Variants in GPT2 observed in about 807,000 individuals in gnomAD.
GPT2 encodes glutamic--pyruvic transaminase 2, also known as alanine aminotransferase 2.
GPT2 carries 30 observed loss-of-function variants against 56.9 expected under a neutral mutation model. The observed-to-expected ratio is 0.53, with a 90% confidence interval of 0.39 to 0.72. The LOEUF (loss-of-function observed/expected upper bound fraction) is 0.72. GPT2 is among the 30% of genes least tolerant of loss of function. The pLI, the probability that GPT2 is intolerant of heterozygous loss-of-function variation, is 0.00. For missense variants in GPT2, 542 were observed against 703.4 expected, an observed-to-expected ratio of 0.77 and a Z score of 2.60; for synonymous variants, 271 against 283.1, an observed-to-expected ratio of 0.96 and a Z score of 0.43.
chr16:46,925,395 G>A (rs750860847), intron 10 of GPT2, among the ~76,000 whole-genome samples: 3 of 152,052 alleles, frequency 2.0e-5, no homozygotes, highest in Admixed American at 1.3e-4. Context: ...ATAATTTTTT[G>A]TATTTTTAGT....
intron 4 of GPT2, among the ~76,000 whole-genome samples, chr16:46,904,583 A>T (rs1009533378): frequency 6.6e-6 from 1 of 152,162 alleles, no homozygotes; most frequent in African/African-American, 2.4e-5. Flanking sequence ...GAAACCCAGG[A>T]GCCTCCTTGG....
At chr16:46,902,903 C>T (rs1230235981) in intron 4 of GPT2, among the ~76,000 whole-genome samples, 2 of 152,030 alleles carry the variant, frequency 1.3e-5, no homozygotes, top group African/African-American at 2.4e-5. Context: ...GGATTATAGG[C>T]GTGAGCCACC....
Position 46,922,366 on chromosome 16 carries a change from G to A in GPT2, c.1162G>A (p.Val388Ile). The A allele has an allele frequency of 1.2e-6, 2 of 1,613,884 alleles. No individual in the cohort carries two copies. The highest frequency in any genetic ancestry group is 1.7e-6 in the Non-Finnish European group (2 of 1,179,974). ...GTCTGGGCAGGCCGCCATGGACATT[G>A]TCGTGAACCCCCCGGTGGCAGGAGA... The part of the protein sequence containing the change: ...PVSGQAAMDI[V>I]VNPPVAGEES... Residue 388 changes from valine (V) to isoleucine (I), a missense_variant, in exon 9 of 12, where the codon GTC becomes ATC. Val to Ile is a conservative substitution (Grantham distance 29). Transcript: ENST00000340124.
At chr16:46,911,713 C>T (rs1203418038) in intron 6 of GPT2, among the ~76,000 whole-genome samples, 2 of 152,026 alleles carry the variant, frequency 1.3e-5, no homozygotes, top group Non-Finnish European at 2.9e-5. Flanking sequence ...GTAATTGGGC[C>T]GGGGTATGGT....
chr16:46,910,380 C>CAAAAA (rs4039999), intron 6 of GPT2, among the ~76,000 whole-genome samples: 5 of 46,472 alleles, frequency 1.1e-4, no homozygotes, highest in South Asian at 1.7e-3. Flanking sequence ...GACTCTGTCT[C>CAAAAA]AAAAAAAAAA....
At chr16:46,919,573 C>T (rs1961242193) in intron 8 of GPT2, among the ~76,000 whole-genome samples, 1 of 152,206 alleles carries the variant, frequency 6.6e-6, no homozygotes, top group East Asian at 1.9e-4. Context: ...GCGGAACAGC[C>T]AGGAGCTGGA....
At chr16:46,924,061 G>A in intron 9 of GPT2, 1 of 387,118 alleles carries the variant, frequency 2.6e-6, no homozygotes, top group South Asian at 2.1e-5. Flanking sequence ...TGAGCGCTGT[G>A]GAAGAATTTG....
chr16:46,928,106 C>T (rs1961453927), intron 11 of GPT2, among the ~76,000 whole-genome samples: 1 of 152,094 alleles, frequency 6.6e-6, no homozygotes, highest in Non-Finnish European at 1.5e-5. Flanking sequence ...TTCAGGATGG[C>T]TTGAGTCCAG....
rs1387023702 is a variant in GPT2 at position 46,898,502 on chromosome 16, T to G, written c.333+765T>G. 3.3e-5 allele frequency among the ~76,000 whole-genome samples: 5 copies of G among 152,298 alleles called. No individual in the cohort carries two copies. The East Asian group carries it at 9.6e-4, about 29-fold the overall frequency. ...GCGGGAGACCCAGTGTGTGACAGCT[T>G]TTTCTAGAAGGACTGAGGCCTGTTT... On this transcript the variant is annotated intron_variant, in intron 3 of 11. Coordinates refer to ENST00000340124, the MANE Select transcript of GPT2 (RefSeq NM_133443.4).
At chr16:46,928,806 C>T in intron 11 of GPT2, 101 bp from the exon 12 acceptor site, 1 of 847,602 alleles carries the variant, frequency 1.2e-6, no homozygotes, top group Non-Finnish European at 2.0e-6. Context: ...GCAGACCAGG[C>T]AGACCTCCCT....
intron 2 of GPT2, among the ~76,000 whole-genome samples, chr16:46,889,246 ATTTTT>A (rs35803215): frequency 3.1e-4 from 29 of 94,946 alleles, no homozygotes; most frequent in South Asian, 7.8e-4. Context: ...CAGGCTGTTA[ATTTTT>A]TTTTTTTTTT....
chr16:46,887,961 T>G (rs539250170), intron 2 of GPT2, among the ~76,000 whole-genome samples: 86 of 152,322 alleles, frequency 5.6e-4, no homozygotes, highest in Non-Finnish European at 1.1e-3. Context: ...GGAGAACCTA[T>G]CTTAGCTTTT....
At chr16:46,920,456 G>A (rs1172374141) in intron 8 of GPT2, among the ~76,000 whole-genome samples, 1 of 152,262 alleles carries the variant, frequency 6.6e-6, no homozygotes, top group East Asian at 1.9e-4. Context: ...TGAGGCCTGG[G>A]CCTGGGCCCC....
chr16:46,892,598 T>C (rs1960606284), intron 2 of GPT2, among the ~76,000 whole-genome samples: 1 of 152,220 alleles, frequency 6.6e-6, no homozygotes, highest in South Asian at 2.1e-4. Context: ...CACTGATCTT[T>C]GAACTTTTTA....
At chr16:46,900,828 G>T (rs745867964) in intron 4 of GPT2, 38 bp downstream of exon 4, 50 of 1,561,608 alleles carry the variant, frequency 3.2e-5, no homozygotes, top group East Asian at 2.0e-4. Context: ...GGCGTGAAAT[G>T]AATGAGTGTT....
chr16:46,912,600 A>G (rs1961066692), intron 6 of GPT2, among the ~76,000 whole-genome samples: 1 of 152,204 alleles, frequency 6.6e-6, no homozygotes, highest in Non-Finnish European at 1.5e-5. Flanking sequence ...TTAAGAAAAG[A>G]GGCTTGATTG....
intron 2 of GPT2, among the ~76,000 whole-genome samples, chr16:46,893,468 C>T (rs904729357): frequency 2.0e-5 from 3 of 152,146 alleles, no homozygotes; most frequent in East Asian, 1.9e-4. Flanking sequence ...TGGTTGAGTC[C>T]GCAGATGCTG....
At chr16:46,894,065 C>T (rs1197355283) in intron 2 of GPT2, among the ~76,000 whole-genome samples, 1 of 152,196 alleles carries the variant, frequency 6.6e-6, no homozygotes, top group Non-Finnish European at 1.5e-5. Context: ...GGTTTCTTCA[C>T]CCATTCAGGG....
intron 3 of GPT2, among the ~76,000 whole-genome samples, chr16:46,899,963 C>G (rs951329608): frequency 6.6e-6 from 1 of 152,188 alleles, no homozygotes; most frequent in African/African-American, 2.4e-5. Flanking sequence ...CAGGCCAGCT[C>G]AGTGCCCATT....
Sources: gnomAD v4.1 joint callset for allele counts (sites outside exome capture counted in the v4.1 genomes callset) on GRCh38, gnomAD v4.1.1 for gene constraint, MANE v1.5 for transcripts, NCBI Gene and HGNC (gene_info 2026-07-23, HGNC 2026-07-21) for gene names.